Variants in COL5A3 observed in about 807,000 individuals in gnomAD.
COL5A3 encodes the protein collagen alpha-3(V) chain.
COL5A3 carries 172 observed loss-of-function variants against 250.0 expected under a neutral mutation model. The observed-to-expected ratio is 0.69, with a 90% confidence interval of 0.61 to 0.78. The LOEUF (loss-of-function observed/expected upper bound fraction) is 0.78. COL5A3 is among the 30% of genes least tolerant of loss of function. COL5A3 has a pLI of 0.00. For missense variants in COL5A3, 2,340 were observed against 2,334.4 expected, an observed-to-expected ratio of 1.00 and a Z score of -0.05; for synonymous variants, 937 against 900.4, an observed-to-expected ratio of 1.04 and a Z score of -0.73.
chr19:9,990,044 GCCCGCCTTC>G (rs2087163116), intron 24 of COL5A3, among the ~76,000 whole-genome samples: 1 of 148,998 alleles, frequency 6.7e-6, no homozygotes, highest in African/African-American at 2.5e-5. Flanking sequence ...GAGCCACTGT[GCCCGCCTTC>G]CCTGGCAGAC....
rs1197179768 is a variant in COL5A3 at position 10,003,610 on chromosome 19, C to T, written c.804G>A (p.Lys268=). The stretch of plus-strand genomic sequence containing the variant: ...GAGGTGGACTTGAGGTCCAAATTTC[C>T]TTGTTCTTTTTCCTGCCCTTCCCCT... ...GRKGKGRKKN[K]EIWTSSPPPD... The change falls in exon 6 of 67, where the codon AAG becomes AAA. Residue 268 remains lysine (K), a synonymous_variant. Transcript: ENST00000264828. The T allele has an allele frequency of 6.2e-7, 1 of 1,614,034 alleles. No homozygotes were observed. The highest frequency in any genetic ancestry group is 1.3e-5 in the African/African-American group (1 of 74,906).
Position 9,960,557 on chromosome 19 carries a change from G to C in COL5A3, c.5092C>G (p.Leu1698Val). ...AGGGTCTTCGTCTGTCCTTTCCGGA[G>C]CTGTCCCCAGAGAAGACAGAGACGG... ...TVSVPQDGCR[L>V]RKGQTKTLFE... Residue 1698 changes from leucine (L) to valine (V), a missense_variant and splice_region_variant, in exon 67 of 67, where the codon CTC becomes GTC. By Grantham distance (32) the Leu-to-Val change is conservative. This residue lies in a region of COL5A3 where 1,179 missense variants were observed against 1,162.6 expected (regional missense o/e 1.01). Coordinates refer to ENST00000264828, the MANE Select transcript of COL5A3 (RefSeq NM_015719.4). 1.9e-6 allele frequency: 3 copies of C among 1,614,190 alleles called. No individual in the cohort carries two copies. The highest frequency in any genetic ancestry group is 2.5e-6 in the Non-Finnish European group (3 of 1,180,044).
intron 51 of COL5A3, 147 bp downstream of exon 51, chr19:9,972,772 G>T (rs1361714542): frequency 1.9e-6 from 1 of 520,278 alleles, no homozygotes; most frequent in Non-Finnish European, 3.3e-6. Context: ...GAAGACGGAG[G>T]TTGCAGTGAG....
chr19:9,966,703 A>T lies in COL5A3; in HGVS notation c.4502T>A (p.Phe1501Tyr). The change falls in exon 63 of 67, where the codon TTC becomes TAC. Residue 1501 changes from phenylalanine (F) to tyrosine (Y), a missense_variant. Coordinates refer to ENST00000264828, the MANE Select transcript of COL5A3 (RefSeq NM_015719.4). ...CACGACTGGAAGCGGGACTGGGACG[A>T]AGCGCCGGCGCCTGCGCAGCCCATG... ...ELHGLRRRRR[F>Y]VPVPLPVVEG... The T allele has an allele frequency of 6.5e-7, 1 of 1,537,902 alleles. No individual in the cohort carries two copies. The highest frequency in any genetic ancestry group is 2.0e-5 in the Admixed American group (1 of 51,128).
At chr19:9,982,833 C>A (rs957896530) in intron 31 of COL5A3, among the ~76,000 whole-genome samples, 2 of 152,086 alleles carry the variant, frequency 1.3e-5, no homozygotes, top group African/African-American at 4.8e-5. Flanking sequence ...TCTGGGGGTT[C>A]CATGGTCTCT....
intron 24 of COL5A3, among the ~76,000 whole-genome samples, chr19:9,990,517 T>C (rs2087172637): frequency 6.6e-6 from 1 of 152,150 alleles, no homozygotes; most frequent in African/African-American, 2.4e-5. Context: ...ACATCTCATG[T>C]ACTCCATAAG....
At position 9,969,599 on chromosome 19, in the gene COL5A3, A is replaced by AC; in HGVS notation, c.4073dup (p.Leu1359SerfsTer10). 1.2e-6 allele frequency: 2 copies of AC among 1,608,238 alleles called. No homozygotes were observed. The highest frequency in any genetic ancestry group is 1.7e-6 in the Non-Finnish European group (2 of 1,178,394). On this transcript the variant is annotated frameshift_variant, in exon 56 of 67. Transcript: ENST00000264828. LOFTEE classifies it high-confidence loss of function. Reference sequence around the variant, plus strand: ...CCACAGGGCCAGGGATCCCTCGAAGACCCTCAGGCCCCACACGTCCAGGGG... The same window carrying AC: ...CCACAGGGCCAGGGATCCCTCGAAGACCCCTCAGGCCCCACACGTCCAGGGG...
intron 53 of COL5A3, 56 bp downstream of exon 53, chr19:9,970,919 A>G: frequency 1.7e-6 from 2 of 1,177,350 alleles, no homozygotes; most frequent in Non-Finnish European, 2.4e-6. Flanking sequence ...CAATTCACTC[A>G]CTCATTAGCT....
intron 8 of COL5A3, among the ~76,000 whole-genome samples, 183 bp from the exon 9 acceptor site, chr19:9,998,332 C>T (rs1050167807): frequency 2.0e-5 from 3 of 152,108 alleles, no homozygotes; most frequent in Non-Finnish European, 2.9e-5. Flanking sequence ...CCGCATCCAC[C>T]GGGCAATGCC....
chr19:9,977,372 C>T lies in COL5A3; in HGVS notation c.3227G>A (p.Gly1076Glu), dbSNP rs769483301. Residue 1076 changes from glycine to glutamate, a missense_variant, in exon 43 of 67, where the codon GGG (glycine) becomes GAG (glutamate). Gly to Glu is a moderately conservative substitution (Grantham distance 98). Coordinates refer to ENST00000264828, the MANE Select transcript of COL5A3 (RefSeq NM_015719.4). ...PGAAGPSGEE[G>E]DKGDVGAPGH... Reference sequence around the variant, plus strand: ...TCTCTGTGAACCCCTCACCTTGTCCCCTTCCTCGCCAGAAGGCCCAGCAGC... The same window carrying T: ...TCTCTGTGAACCCCTCACCTTGTCCTCTTCCTCGCCAGAAGGCCCAGCAGC... The T allele has an allele frequency of 1.9e-6, 3 of 1,592,530 alleles. No individual in the cohort carries two copies. The highest frequency in any genetic ancestry group is 1.1e-5 in the South Asian group (1 of 88,910).
At chr19:10,003,944 T>A in intron 5 of COL5A3, 97 bp downstream of exon 5, 2 of 1,112,592 alleles carry the variant, frequency 1.8e-6, no homozygotes, top group Non-Finnish European at 2.7e-6. Context: ...CTTAACCCCA[T>A]GTCTGGGGGA....
intron 6 of COL5A3, among the ~76,000 whole-genome samples, chr19:10,002,665 T>A (rs1301682343): frequency 6.6e-6 from 1 of 152,046 alleles, no homozygotes; most frequent in Non-Finnish European, 1.5e-5. Context: ...CTCCAACTAA[T>A]AACCCCCATC....
rs2087494335 is a variant in COL5A3 at position 10,009,488 on chromosome 19, T to G, written c.88+810A>C. Among the ~76,000 whole-genome samples, 2 of 141,698 alleles carry G rather than the reference T, an allele frequency of 1.4e-5. No homozygotes were observed. Among genetic ancestry groups the G allele is most frequent in the South Asian group, 2.6e-4 (1 of 3,872 alleles). 93.0% of individuals were successfully genotyped at this position (141,698 alleles called of 152,430 possible). ...ACACCCAAGGCTCCAGCAGCTGGGGTGGGGAGGGGGGGAGCAACTTCCACT... is the reference window on the plus strand; with the variant it reads ...ACACCCAAGGCTCCAGCAGCTGGGGGGGGGAGGGGGGGAGCAACTTCCACT... On this transcript the variant is annotated intron_variant, in intron 1 of 66. Coordinates refer to ENST00000264828, the MANE Select transcript of COL5A3 (RefSeq NM_015719.4). This position sits in a 1 kb window ranked among gnomAD's most constrained non-coding sequence, Gnocchi z 4.4.
intron 62 of COL5A3, among the ~76,000 whole-genome samples, chr19:9,967,100 G>T (rs1382425128): frequency 1.3e-5 from 2 of 152,134 alleles, no homozygotes; most frequent in Non-Finnish European, 2.9e-5. Flanking sequence ...CAGGGAGGGA[G>T]AGATGGGGTC....
chr19:9,968,775 G>C lies in COL5A3; in HGVS notation c.4153-47C>G, dbSNP rs780162956. 1.2e-5 allele frequency: 19 copies of C among 1,547,902 alleles called. No homozygotes were observed. Among genetic ancestry groups the C allele is most frequent in the Non-Finnish European group, 1.7e-5 (19 of 1,130,922 alleles). On this transcript the variant is annotated intron_variant, in intron 57 of 66. Coordinates refer to ENST00000264828, the MANE Select transcript of COL5A3 (RefSeq NM_015719.4). This position sits in a 1 kb window ranked among gnomAD's most constrained non-coding sequence, Gnocchi z 4.1. ...GTTAGGGATTCTCAAATGTGAACTC[G>C]AGGTCTGTGTGGGTGGTTAGGGGAT...
chr19:10,006,400 C>T (rs573152914), intron 1 of COL5A3, among the ~76,000 whole-genome samples, 169 bp from the exon 2 acceptor site: 1 of 152,110 alleles, frequency 6.6e-6, no homozygotes, highest in Non-Finnish European at 1.5e-5. Flanking sequence ...CCCAGCACCC[C>T]CCGCCTCCTC....
At chr19:9,981,983 C>CT (rs1209954166) in intron 32 of COL5A3, 82 bp downstream of exon 32, 1 of 1,060,062 alleles carries the variant, frequency 9.4e-7, no homozygotes, top group African/African-American at 1.6e-5. Flanking sequence ...CACCCAGGGT[C>CT]CACCCATCAT....
At chr19:9,971,432 G>A (rs895719865) in intron 51 of COL5A3, among the ~76,000 whole-genome samples, 174 bp from the exon 52 acceptor site, 8 of 152,146 alleles carry the variant, frequency 5.3e-5, no homozygotes, top group African/African-American at 1.9e-4. Context: ...GGGTGCAGAC[G>A]CTGAGCTAAG....
Position 10,005,721 on chromosome 19 carries a change from G to T in COL5A3, c.438-7C>A, listed in dbSNP as rs2087432044. ...GACGGCCACACGGTGCCACCTGCAA[G>T]GGGACGGCCTCAGTGCGGGTGCTTC... On this transcript the variant is annotated splice_region_variant and splice_polypyrimidine_tract_variant and intron_variant, in intron 3 of 66. Coordinates refer to ENST00000264828, the MANE Select transcript of COL5A3 (RefSeq NM_015719.4). The T allele has an allele frequency of 6.2e-7, 1 of 1,604,152 alleles. No homozygotes were observed. Among genetic ancestry groups the T allele is most frequent in the Non-Finnish European group, 8.5e-7 (1 of 1,173,032 alleles).
Sources: allele counts gnomAD v4.1 joint callset (sites outside exome capture counted in the v4.1 genomes callset), GRCh38; gene constraint gnomAD v4.1.1; regional missense constraint gnomAD v4.1.1; non-coding constraint Gnocchi (gnomAD v3.1); transcripts MANE v1.5; gene names NCBI Gene and HGNC (gene_info 2026-07-23, HGNC 2026-07-21).